The following SPTBN5 variants were observed in gnomAD, a reference collection of about 807,000 sequenced individuals.
SPTBN5 encodes spectrin beta chain, non-erythrocytic 5.
In SPTBN5, 513 loss-of-function variants were observed where a neutral mutation model predicts 477.6. The ratio of observed to expected loss-of-function variants is 1.07; its 90% CI spans 1.00 to 1.16. The LOEUF (loss-of-function observed/expected upper bound fraction) is 1.16, where lower values mean the gene tolerates loss of function less well. Among genes scored for constraint, SPTBN5 ranks in the 50% most tolerant of loss-of-function variants. The pLI is 0.00. For missense variants in SPTBN5, 5,062 were observed against 4,731.8 expected, an observed-to-expected ratio of 1.07 and a Z score of -2.05; for synonymous variants, 2,169 against 2,011.7, an observed-to-expected ratio of 1.08 and a Z score of -2.09.
rs775544969 is a variant in SPTBN5, at chr15:41,856,926, T to C, written c.8735A>G (p.Lys2912Arg). The C allele has an allele frequency of 1.5e-5, 24 of 1,564,772 alleles. No homozygotes were observed. The highest frequency in any genetic ancestry group is 2.7e-5 in the African/African-American group (2 of 73,584). Residue 2912 changes from lysine (K) to arginine (R), a missense_variant, in exon 52 of 68, where the codon AAG (lysine) becomes AGG (arginine). Transcript: ENST00000320955. ...ADEEMAWVQEKLPLAAAQDYG... is the reference protein window; with the variant it reads ...ADEEMAWVQERLPLAAAQDYG... The stretch of plus-strand genomic sequence containing the variant: ...GTCCTGGGCAGCGGCCAGAGGCAGC[T>C]TCTCCTGCACCCAGGCCATTTCCTC...
chr15:41,892,039 T>C (rs1285630681), intron 3 of SPTBN5, among the ~76,000 whole-genome samples: 2 of 152,198 alleles, frequency 1.3e-5, no homozygotes, highest in Non-Finnish European at 2.9e-5. Flanking sequence ...ATTCTGCAGC[T>C]GGCAGCGTTC....
intron 2 of SPTBN5, 68 bp from the exon 3 acceptor site, chr15:41,893,129 A>G (rs2067366106): frequency 6.3e-7 from 1 of 1,582,382 alleles, no homozygotes; most frequent in African/African-American, 1.3e-5. Context: ...CTGGGACCTG[A>G]GAGGTACGAC....
intron 6 of SPTBN5, among the ~76,000 whole-genome samples, chr15:41,886,825 C>A (rs528634598): frequency 2.8e-4 from 42 of 152,328 alleles, no homozygotes; most frequent in Non-Finnish European, 4.7e-4. Flanking sequence ...GGAAGCCCCC[C>A]AAAAACATGA....
chr15:41,866,920 G>C, intron 36 of SPTBN5, 39 bp downstream of exon 36: 1 of 1,531,826 alleles, frequency 6.5e-7, no homozygotes, highest in East Asian at 2.4e-5. Flanking sequence ...GTCGAGTGTG[G>C]TTCCAGTGGA....
At chr15:41,859,111 A>G (rs1353518324) in intron 47 of SPTBN5, 131 bp from the exon 48 acceptor site, 3 of 610,276 alleles carry the variant, frequency 4.9e-6, no homozygotes, top group Admixed American at 7.7e-5. Context: ...GGTACATTGC[A>G]CTCCCCCTCT....
At position 41,857,455 on chromosome 15, in the gene SPTBN5, AG is replaced by A; in HGVS notation, c.8403del (p.Trp2802GlyfsTer9). The A allele has an allele frequency of 2.5e-6, 4 of 1,608,606 alleles. No individual in the cohort carries two copies. In the Middle Eastern group the frequency reaches 5.0e-4, roughly 199 times the overall value. On this transcript the variant is annotated frameshift_variant, in exon 51 of 68. Transcript: ENST00000320955. LOFTEE classifies it high-confidence loss of function. ...AGCTCAACCTCGATGGGCTCCAGCC[AG>A]TTCTCCAGTTCCTCCATGCTCCGCC... is the stretch of plus-strand genomic sequence containing the variant. ...RLRRSMEELENWLEPIEVELR... is the reference protein window; with the variant it reads ...RLRRSMEELEXWLEPIEVELR...
Position 41,881,996 on chromosome 15 carries a change from G to T in SPTBN5, c.2397C>A (p.Ala799=). Reference sequence around the variant, plus strand: ...CCTGCTCCTCCAGCCGCCGCAGCTCGGCCGCGAAGGCGCGCAGGACGCGCT... The same window carrying T: ...CCTGCTCCTCCAGCCGCCGCAGCTCTGCCGCGAAGGCGCGCAGGACGCGCT... ...RLERVLRAFA[A]ELRRLEEQGR... The change falls in exon 12 of 68, where the codon GCC becomes GCA. Residue 799 remains alanine, a synonymous_variant. Transcript: ENST00000320955. 3 of 1,536,136 alleles carry T rather than the reference G, an allele frequency of 2.0e-6. No homozygotes were observed. The highest frequency in any genetic ancestry group is 1.2e-5 in the South Asian group (1 of 84,178).
At chr15:41,855,000 G>T in intron 55 of SPTBN5, 24 bp from the exon 56 acceptor site, 1 of 1,518,656 alleles carries the variant, frequency 6.6e-7, no homozygotes, top group Non-Finnish European at 8.8e-7. Context: ...AGGCCCAGCA[G>T]GGTCACTTGA....
chr15:41,882,556 AC>A (rs749138267), intron 10 of SPTBN5, 28 bp downstream of exon 10: 2 of 1,583,012 alleles, frequency 1.3e-6, no homozygotes, highest in East Asian at 4.6e-5. Flanking sequence ...GGCGCTGGCG[AC>A]CGGCGGGCGC....
intron 16 of SPTBN5, 70 bp from the exon 17 acceptor site, chr15:41,878,699 C>G: frequency 6.7e-7 from 1 of 1,492,512 alleles, no homozygotes; most frequent in Non-Finnish European, 9.0e-7. Flanking sequence ...CATGTCCTCT[C>G]TCCAAACCTG....
rs1467879550 is a variant in SPTBN5, at chr15:41,865,802, T to C, written c.6918+6A>G. On this transcript the variant is annotated splice_donor_region_variant and intron_variant, in intron 39 of 67. Coordinates refer to ENST00000320955, the MANE Select transcript of SPTBN5 (RefSeq NM_016642.4). ...GGCCAACCTCTACCCAGCAAGGCCC[T>C]CTTACCCCGGCCGAGTTTCCTCGGA... 6.4e-7 allele frequency: 1 copy of C among 1,555,120 alleles called. No individual in the cohort carries two copies. The highest frequency in any genetic ancestry group is 1.9e-5 in the Admixed American group (1 of 52,016).
Position 41,887,190 on chromosome 15 carries a change from C to A in SPTBN5, c.888+23G>T, listed in dbSNP as rs891531120. ...GTCTGCCTCTGGAGCCCTTGCTCAC[C>A]CCACCCCTCCTTTCTCCCCCACCTT... On this transcript the variant is annotated intron_variant, in intron 6 of 67. Transcript: ENST00000320955. 9.0e-6 allele frequency: 14 copies of A among 1,547,690 alleles called. No homozygotes were observed. The Admixed American group carries it at 2.2e-4, about 24-fold the overall frequency.
chr15:41,850,711 G>T, intron 66 of SPTBN5, 143 bp downstream of exon 66: 1 of 752,274 alleles, frequency 1.3e-6, no homozygotes, highest in Non-Finnish European at 2.1e-6. Context: ...TAAATTCTTT[G>T]AGGAAAAACA....
chr15:41,858,754 C>A lies in SPTBN5; in HGVS notation c.8080-6G>T. The stretch of plus-strand genomic sequence containing the variant: ...TCCCTCAGCCACGCAGCCACCTGGG[C>A]ACATGGGGAGGACAGGCCTGCTGTC... On this transcript the variant is annotated splice_polypyrimidine_tract_variant and splice_region_variant and intron_variant, in intron 48 of 67. Transcript: ENST00000320955. 6.2e-7 allele frequency: 1 copy of A among 1,608,514 alleles called. No homozygotes were observed. Among genetic ancestry groups the A allele is most frequent in the South Asian group, 1.1e-5 (1 of 89,870 alleles).
At chr15:41,852,102 TCA>T in intron 62 of SPTBN5, 78 bp downstream of exon 62, 1 of 1,482,118 alleles carries the variant, frequency 6.7e-7, no homozygotes, top group Non-Finnish European at 9.0e-7. Context: ...GTGTGGGCCC[TCA>T]CCCCCACAGC....
chr15:41,850,883 C>A lies in SPTBN5; in HGVS notation c.10892G>T (p.Ser3631Ile). The A allele has an allele frequency of 6.2e-7, 1 of 1,603,672 alleles. No individual in the cohort carries two copies. Among genetic ancestry groups the A allele is most frequent in the South Asian group, 1.1e-5 (1 of 88,776 alleles). The change falls in exon 66 of 68, where the codon AGC (serine) becomes ATC (isoleucine). Residue 3631 changes from serine to isoleucine, a missense_variant. Transcript: ENST00000320955. ...AGTGCTGCCCAGGGCTCGCCACCAG[C>A]TCTCAGCCTGCTCTTCGGACGGTGC... is the stretch of plus-strand genomic sequence containing the variant. Reference protein sequence around the residue: ...FAAPSEEQAESWWRALGSTAA... With the variant: ...FAAPSEEQAEIWWRALGSTAA...
Position 41,868,190 on chromosome 15 carries a change from T to A in SPTBN5, c.6086A>T (p.Asp2029Val), listed in dbSNP as rs1207723717. The change falls in exon 34 of 68, where the codon GAC becomes GTC. Residue 2029 changes from aspartate (D) to valine (V), a missense_variant. Transcript: ENST00000320955. ...GGTCTGATACACCTGGTCCCGCTGGTCCTGCAGGGCTCGAAGCTCTTCCTG... is the reference window on the plus strand; with the variant it reads ...GGTCTGATACACCTGGTCCCGCTGGACCTGCAGGGCTCGAAGCTCTTCCTG... ...EVQEELRALQ[D>V]QRDQVYQTWA... 3.8e-6 allele frequency: 6 copies of A among 1,583,324 alleles called. No individual in the cohort carries two copies. Among genetic ancestry groups the A allele is most frequent in the Non-Finnish European group, 5.2e-6 (6 of 1,164,920 alleles).
At position 41,868,079 on chromosome 15, in the gene SPTBN5, G is replaced by A. The variant is rs376824278; in HGVS notation, c.6197C>T (p.Ala2066Val). Reference sequence around the variant, plus strand: ...CGGGAGGGGACCTGCCTCCTGGGCCGCGAGGATCTCCTCCAGGCGGCCGCA... The same window carrying A: ...CGGGAGGGGACCTGCCTCCTGGGCCACGAGGATCTCCTCCAGGCGGCCGCA... ...RECGRLEEIL[A>V]AQEVSLKTSA... The change falls in exon 34 of 68, where the codon GCG (alanine) becomes GTG (valine). Residue 2066 changes from alanine (A) to valine (V), a missense_variant. Coordinates refer to ENST00000320955, the MANE Select transcript of SPTBN5 (RefSeq NM_016642.4). 1.1e-3 allele frequency: 1,752 copies of A among 1,601,766 alleles called. 23 individuals carry two copies. The South Asian group carries it at 0.013, about 12-fold the overall frequency.
In SPTBN5 at chr15:41,883,129, C is replaced by G. The variant is rs370522425; in HGVS notation, c.1759G>C (p.Ala587Pro). Residue 587 changes from alanine to proline, a missense_variant, in exon 9 of 68, where the codon GCC (alanine) becomes CCC (proline). By Grantham distance (27) the Ala-to-Pro change is conservative. Coordinates refer to ENST00000320955, the MANE Select transcript of SPTBN5 (RefSeq NM_016642.4). ...LLEAQVSAHG[A>P]HVSHLAQQTA... The stretch of plus-strand genomic sequence containing the variant: ...TGCTGAGCAAGATGGCTCACATGGG[C>G]TCCGTGGGCCGAGACTTGAGCCTCC... The G allele has an allele frequency of 7.4e-6, 12 of 1,612,396 alleles. No individual in the cohort carries two copies. In the African/African-American group the frequency reaches 1.6e-4, roughly 22 times the overall value.
Sources: gnomAD v4.1 joint callset for allele counts (sites outside exome capture counted in the v4.1 genomes callset) on GRCh38, gnomAD v4.1.1 for gene constraint, MANE v1.5 for transcripts, NCBI Gene and HGNC (gene_info 2026-07-23, HGNC 2026-07-21) for gene names.